Variants in UMAD1 observed in about 807,000 individuals in gnomAD.
UMAD1 encodes UBAP1-MVB12-associated (UMA) domain containing 1.
UMAD1 carries 8 observed loss-of-function variants against 6.1 expected under a neutral mutation model. The ratio of observed to expected loss-of-function variants is 1.30; its 90% CI spans 0.76 to 2.35. The LOEUF is 2.35. Ranked by LOEUF, UMAD1 falls within the 30% of genes most tolerant of loss-of-function variation. UMAD1 has a pLI of 0.00. For missense variants in UMAD1, 130 were observed against 78.4 expected (o/e 1.66, Z -2.49); for synonymous variants, 56 against 31.4 (o/e 1.78, Z -2.61).
At chr7:7,785,343 C>G (rs1041402335) in intron 2 of UMAD1, among the ~76,000 whole-genome samples, 47 of 152,140 alleles carry the variant, frequency 3.1e-4, no homozygotes, top group African/African-American at 1.1e-3. Flanking sequence ...ATGTTCAAGA[C>G]ACACAGAGTA....
chr7:7,706,030 C>T (rs1442534973), intron 2 of UMAD1, among the ~76,000 whole-genome samples: 2 of 152,062 alleles, frequency 1.3e-5, no homozygotes, highest in East Asian at 3.8e-4. Context: ...GCTATTTTTA[C>T]ATGGAAAAAT....
At chr7:7,777,243 A>G (rs1782227883) in intron 2 of UMAD1, among the ~76,000 whole-genome samples, 1 of 151,898 alleles carries the variant, frequency 6.6e-6, no homozygotes, top group Non-Finnish European at 1.5e-5. Context: ...GTGGCGGCTC[A>G]TCCCTGTAAT....
chr7:7,746,775 C>A (rs1029411565), intron 2 of UMAD1, among the ~76,000 whole-genome samples: 2 of 152,306 alleles, frequency 1.3e-5, no homozygotes, highest in Middle Eastern at 3.4e-3. Flanking sequence ...TATCTTAATT[C>A]GCTAAAAAGG....
chr7:7,676,404 T>C (rs970454156), intron 2 of UMAD1, among the ~76,000 whole-genome samples: 2 of 152,212 alleles, frequency 1.3e-5, no homozygotes, highest in Non-Finnish European at 2.9e-5. Context: ...CTCCAGTTAG[T>C]ATGTAGCAGA....
chr7:7,769,438 T>C (rs983617743), intron 2 of UMAD1, among the ~76,000 whole-genome samples: 3 of 152,116 alleles, frequency 2.0e-5, no homozygotes, highest in Non-Finnish European at 4.4e-5. Flanking sequence ...AGGGGATGCT[T>C]GATGATACCC....
intron 2 of UMAD1, among the ~76,000 whole-genome samples, chr7:7,717,420 C>T (rs1055066842): frequency 6.6e-6 from 1 of 152,226 alleles, no homozygotes; most frequent in African/African-American, 2.4e-5. Context: ...CCTCGTCCTT[C>T]AGTTTCTTTG....
intron 2 of UMAD1, among the ~76,000 whole-genome samples, chr7:7,758,317 A>ATG (rs1227345490): frequency 1.2e-4 from 19 of 152,118 alleles, no homozygotes; most frequent in Admixed American, 1.2e-3. Context: ...ATCATTCCCT[A>ATG]TGTAGACTGC....
intron 3 of UMAD1, among the ~76,000 whole-genome samples, chr7:7,807,170 C>A (rs962394653): frequency 6.6e-6 from 1 of 152,032 alleles, no homozygotes; most frequent in Non-Finnish European, 1.5e-5. Context: ...AAGTTCCTTA[C>A]GCGTCATAAC....
At chr7:7,695,843 A>G (rs1326208834) in intron 2 of UMAD1, among the ~76,000 whole-genome samples, 2 of 152,194 alleles carry the variant, frequency 1.3e-5, no homozygotes, top group Non-Finnish European at 2.9e-5. Flanking sequence ...TTATAAGTTA[A>G]GCAGCAGTGT....
Position 7,674,803 on chromosome 7 carries a change from C to G in UMAD1, c.82+1350C>G, listed in dbSNP as rs1026027571. 5.3e-5 allele frequency among the ~76,000 whole-genome samples: 8 copies of G among 152,116 alleles called. No homozygotes were observed. In the South Asian group the frequency reaches 1.7e-3, roughly 32 times the overall value. ...CTTTTTTCACACTTCTTGAATTAGC[C>G]TCGCTAACAGAAAACTTCAGGGGTA... is the stretch of plus-strand genomic sequence containing the variant. On this transcript the variant is annotated intron_variant, in intron 2 of 3. Coordinates refer to ENST00000682710, the MANE Select transcript of UMAD1 (RefSeq NM_001302348.2).
intron 2 of UMAD1, among the ~76,000 whole-genome samples, chr7:7,754,436 C>G (rs945927001): frequency 6.6e-6 from 1 of 152,128 alleles, no homozygotes; most frequent in Non-Finnish European, 1.5e-5. Context: ...ATTGTTTGCC[C>G]ATTTTTTAAT....
At chr7:7,727,029 C>G (rs1049109850) in intron 2 of UMAD1, among the ~76,000 whole-genome samples, 2 of 152,178 alleles carry the variant, frequency 1.3e-5, no homozygotes, top group Non-Finnish European at 2.9e-5. Context: ...GGCCAAGACC[C>G]TTCAATAATG....
In UMAD1 at chr7:7,786,803, T is replaced by C. The variant is rs188350980; in HGVS notation, c.83-14867T>C. Among the ~76,000 whole-genome samples, 8 of 152,286 alleles carry C rather than the reference T, an allele frequency of 5.3e-5. 1 individual carries two copies. Among genetic ancestry groups the C allele is most frequent in the Admixed American group, 2.0e-4 (3 of 15,284 alleles). The stretch of plus-strand genomic sequence containing the variant: ...TTTCTCACAGAGTGAAGAGAGAACC[T>C]GACAGCCATAGGAGGAGGAAGGTTT... On this transcript the variant is annotated intron_variant, in intron 2 of 3. Transcript: ENST00000682710.
At chr7:7,876,923 A>C (rs1477482980) in intron 3 of UMAD1, among the ~76,000 whole-genome samples, 1 of 152,224 alleles carries the variant, frequency 6.6e-6, no homozygotes, top group Non-Finnish European at 1.5e-5. Flanking sequence ...TACTCCATTG[A>C]TACAAGATTT....
At position 7,803,696 on chromosome 7, in the gene UMAD1, G is replaced by A. The variant is rs531775940; in HGVS notation, c.156+1953G>A. 7.5e-4 allele frequency among the ~76,000 whole-genome samples: 113 copies of A among 151,286 alleles called. No homozygotes were observed. In the South Asian group the frequency reaches 0.01, roughly 14 times the overall value. ...TGCTGGCAGATTTGTGTCTGGTGAG[G>A]GCCCTTTTTTTTTTTGGTTTGCACT... On this transcript the variant is annotated intron_variant, in intron 3 of 3. Coordinates refer to ENST00000682710, the MANE Select transcript of UMAD1 (RefSeq NM_001302348.2).
chr7:7,803,068 G>A (rs181460421), intron 3 of UMAD1, among the ~76,000 whole-genome samples: 5 of 152,246 alleles, frequency 3.3e-5, no homozygotes, highest in East Asian at 1.9e-4. Flanking sequence ...TACACTGACC[G>A]TACTCAAGAT....
chr7:7,695,386 A>G lies in UMAD1; in HGVS notation c.82+21933A>G, dbSNP rs28912705. ...ATATTAGATAAGAAAGGCTGTAGAG[A>G]GAGAAAAATCTCCTAACCTTGTCTT... is the stretch of plus-strand genomic sequence containing the variant. On this transcript the variant is annotated intron_variant, in intron 2 of 3. Transcript: ENST00000682710. Among the ~76,000 whole-genome samples, 531 of 152,338 alleles carry G rather than the reference A, an allele frequency of 3.5e-3. 1 individual carries two copies. The highest frequency in any genetic ancestry group is 6.0e-3 in the Non-Finnish European group (410 of 68,028).
intron 2 of UMAD1, among the ~76,000 whole-genome samples, chr7:7,776,167 C>T (rs901523906): frequency 1.3e-5 from 2 of 152,060 alleles, no homozygotes; most frequent in East Asian, 1.9e-4. Flanking sequence ...CAAAACAAAA[C>T]AAGACATATG....
intron 2 of UMAD1, among the ~76,000 whole-genome samples, chr7:7,781,308 C>T (rs12702651): frequency 0.34 from 52,125 of 151,728 alleles, 10,883 homozygotes; most frequent in Non-Finnish European, 0.47. Flanking sequence ...GTACATAGGG[C>T]GCAGCTTCCC....
Sources: gnomAD v4.1 joint callset for allele counts (sites outside exome capture counted in the v4.1 genomes callset) on GRCh38, gnomAD v4.1.1 for gene constraint, MANE v1.5 for transcripts, NCBI Gene and HGNC (gene_info 2026-07-23, HGNC 2026-07-21) for gene names.